The following VIT variants were observed in gnomAD, a reference collection of about 807,000 sequenced individuals.
VIT encodes vitrin.
Under a neutral mutation model 78.0 loss-of-function variants are expected in VIT, and 99 were observed. That is an observed-to-expected ratio of 1.27 (90% confidence interval 1.08 to 1.50). The LOEUF is 1.50. VIT is among the 40% of genes most tolerant of loss of function. The pLI is 0.00. For synonymous variants in VIT, 374 were observed against 334.3 expected, an observed-to-expected ratio of 1.12 and a Z score of -1.29; for missense variants, 1,126 against 875.3, an observed-to-expected ratio of 1.29 and a Z score of -3.61.
chr2:36,697,617 C>G lies in VIT; in HGVS notation c.-19+644C>G, dbSNP rs150103873. Among the ~76,000 whole-genome samples the G allele has an allele frequency of 2.2e-3, 335 of 152,304 alleles. 2 individuals are homozygous for G. In the South Asian group the frequency reaches 0.022, roughly 10 times the overall value. ...CGTAGCTCAGCTTTTCACAGGAAGA[C>G]AGGATATGAAATCTCTTTTAAGTAT... On this transcript the variant is annotated intron_variant, in intron 1 of 15. Transcript: ENST00000379242.
chr2:36,769,364 T>A (rs1264426965), intron 7 of VIT, among the ~76,000 whole-genome samples: 1 of 152,210 alleles, frequency 6.6e-6, no homozygotes, highest in Non-Finnish European at 1.5e-5. Flanking sequence ...CTTGAAGTAG[T>A]GGCTCCTAAC....
chr2:36,800,133 T>A (rs1411947518), intron 12 of VIT, among the ~76,000 whole-genome samples: 1 of 150,992 alleles, frequency 6.6e-6, no homozygotes, highest in Non-Finnish European at 1.5e-5. Flanking sequence ...GATCACGAAG[T>A]CAGGAGTTCA....
At chr2:36,747,611 T>G (rs1668216208) in intron 4 of VIT, among the ~76,000 whole-genome samples, 1 of 152,196 alleles carries the variant, frequency 6.6e-6, no homozygotes. Context: ...TCTGTAGATC[T>G]TTCTTCATCC....
intron 1 of VIT, among the ~76,000 whole-genome samples, chr2:36,699,597 T>C (rs1664902839): frequency 7.1e-6 from 1 of 141,680 alleles, no homozygotes; most frequent in South Asian, 2.3e-4. Context: ...TAGATATAGA[T>C]ATAGATATAG....
At chr2:36,749,055 C>T (rs1481971471) in intron 4 of VIT, among the ~76,000 whole-genome samples, 3 of 152,148 alleles carry the variant, frequency 2.0e-5, no homozygotes, top group Non-Finnish European at 2.9e-5. Flanking sequence ...CATCATAGCA[C>T]TCCATAAAAA....
At chr2:36,726,943 C>CA (rs1438390589) in intron 2 of VIT, among the ~76,000 whole-genome samples, 1 of 150,972 alleles carries the variant, frequency 6.6e-6, no homozygotes, top group Non-Finnish European at 1.5e-5. Flanking sequence ...AGCTCTATTT[C>CA]ATCTTATGTG....
intron 1 of VIT, among the ~76,000 whole-genome samples, chr2:36,711,031 G>A (rs1275355318): frequency 1.3e-5 from 2 of 152,152 alleles, no homozygotes; most frequent in Non-Finnish European, 2.9e-5. Context: ...CTTCCTGTTA[G>A]CAATTATGCC....
At chr2:36,698,838 G>T (rs888184991) in intron 1 of VIT, among the ~76,000 whole-genome samples, 15 of 152,010 alleles carry the variant, frequency 9.9e-5, no homozygotes, top group Admixed American at 1.3e-4. Flanking sequence ...CAGCTACTCG[G>T]GAGGCTGAGG....
intron 1 of VIT, among the ~76,000 whole-genome samples, chr2:36,701,901 C>A (rs543650771): frequency 2.2e-4 from 34 of 152,306 alleles, no homozygotes; most frequent in Middle Eastern, 3.4e-3. Context: ...GGGCCACCTC[C>A]ATGTGCTATT....
chr2:36,704,419 A>G (rs895820392), intron 1 of VIT, among the ~76,000 whole-genome samples: 1 of 152,214 alleles, frequency 6.6e-6, no homozygotes, highest in Non-Finnish European at 1.5e-5. Context: ...AAAACTTCCC[A>G]GGAAGAAGAG....
chr2:36,814,460 G>A lies in VIT; in HGVS notation c.*99G>A. The A allele has an allele frequency of 7.2e-7, 1 of 1,387,152 alleles. No individual in the cohort carries two copies. Among genetic ancestry groups the A allele is most frequent in the Non-Finnish European group, 9.8e-7 (1 of 1,022,412 alleles). The allele number at this position is 1,387,152 out of a possible 1,614,324, so 85.9% of individuals were successfully genotyped here. A position where few individuals can be genotyped will look rare whatever the true frequency, so the allele number is the denominator to read the frequency against. ...GGCACGCACGGTGCATCAAGTCTTG[G>A]GCAGGGCATGGAGAAACAAATGTCT... is the stretch of plus-strand genomic sequence containing the variant. On this transcript the variant is annotated 3_prime_UTR_variant, in exon 16 of 16. Coordinates refer to ENST00000379242, the MANE Select transcript of VIT (RefSeq NM_053276.4).
At chr2:36,702,090 A>G (rs1665095420) in intron 1 of VIT, among the ~76,000 whole-genome samples, 1 of 152,232 alleles carries the variant, frequency 6.6e-6, no homozygotes, top group Admixed American at 6.5e-5. Context: ...TGCATGATTT[A>G]GTGAATGTTA....
chr2:36,781,733 T>C lies in VIT; in HGVS notation c.809T>C (p.Met270Thr). The change falls in exon 10 of 16, where the codon ATG (methionine) becomes ACG (threonine). Residue 270 changes from methionine (M) to threonine (T), a missense_variant. Coordinates refer to ENST00000379242, the MANE Select transcript of VIT (RefSeq NM_053276.4). ...PVGADVSLGE[M>T]DSWKPGSVLL... is the part of the protein sequence containing the mutation. ...TTTCAATTTTGAAAATCAGGAGAGA[T>C]GGACTCATGGAAACCTGGATCGGTC... The C allele has an allele frequency of 6.2e-7, 1 of 1,614,182 alleles. No individual in the cohort carries two copies. The highest frequency in any genetic ancestry group is 8.5e-7 in the Non-Finnish European group (1 of 1,180,022).
intron 7 of VIT, among the ~76,000 whole-genome samples, chr2:36,769,443 G>A (rs1669621172): frequency 6.6e-6 from 1 of 152,086 alleles, no homozygotes; most frequent in African/African-American, 2.4e-5. Flanking sequence ...GCCCATCAGT[G>A]TTCCTTCTTC....
chr2:36,814,207 T>A lies in VIT; in HGVS notation c.1928T>A (p.Val643Asp). Residue 643 changes from valine to aspartate, a missense_variant, in exon 16 of 16, where the codon GTT (valine) becomes GAT (aspartate). Transcript: ENST00000379242. ...LKGVITYAIGVAWAAQEELEV... is the reference protein window; with the variant it reads ...LKGVITYAIGDAWAAQEELEV... ...GGAGTGATCACCTATGCGATAGGCG[T>A]TGCCTGGGCTGCCCAAGAGGAGCTA... 6.2e-7 allele frequency: 1 copy of A among 1,614,232 alleles called. No homozygotes were observed. Among genetic ancestry groups the A allele is most frequent in the Non-Finnish European group, 8.5e-7 (1 of 1,180,034 alleles).
In VIT at chr2:36,808,500, C is replaced by T. The variant is rs758383392; in HGVS notation, c.1418C>T (p.Ser473Leu). 7 of 1,611,220 alleles carry T rather than the reference C, an allele frequency of 4.3e-6. No individual in the cohort carries two copies. Among genetic ancestry groups the T allele is most frequent in the African/African-American group, 4.0e-5 (3 of 74,890 alleles). The stretch of plus-strand genomic sequence containing the variant: ...GTGTGCAGAACAAACGGCTTCTACT[C>T]GCTCCACGTGCAGAGCTGGTTTGGC... Reference protein sequence around the residue: ...KAVCRTNGFYSLHVQSWFGLH... With the variant: ...KAVCRTNGFYLLHVQSWFGLH... The change falls in exon 15 of 16, where the codon TCG becomes TTG. Residue 473 changes from serine to leucine, a missense_variant. Ser to Leu is a moderately radical substitution (Grantham distance 145). Coordinates refer to ENST00000379242, the MANE Select transcript of VIT (RefSeq NM_053276.4).
chr2:36,750,149 T>C (rs1228718581), intron 4 of VIT, among the ~76,000 whole-genome samples: 2 of 152,258 alleles, frequency 1.3e-5, no homozygotes, highest in Non-Finnish European at 2.9e-5. Context: ...CTGAATGCTA[T>C]TTCATAACTT....
chr2:36,765,343 G>C (rs1257857571), intron 6 of VIT, among the ~76,000 whole-genome samples: 1 of 151,868 alleles, frequency 6.6e-6, no homozygotes, highest in Non-Finnish European at 1.5e-5. Flanking sequence ...AGTTCCACAT[G>C]GCTGGGGAAG....
chr2:36,800,848 A>G (rs1332478723), intron 12 of VIT, among the ~76,000 whole-genome samples: 1 of 152,164 alleles, frequency 6.6e-6, no homozygotes, highest in Non-Finnish European at 1.5e-5. Flanking sequence ...ACCACTATTC[A>G]CGTGCAATTC....
Sources: allele counts gnomAD v4.1 joint callset (sites outside exome capture counted in the v4.1 genomes callset), GRCh38; gene constraint gnomAD v4.1.1; transcripts MANE v1.5; gene names NCBI Gene and HGNC (gene_info 2026-07-23, HGNC 2026-07-21).